ARID3B: variants seen among roughly 807,000 people sequenced by gnomAD.
ARID3B encodes AT-rich interactive domain-containing protein 3B.
A neutral mutation model predicts 51.9 loss-of-function variants in ARID3B; 10 were observed. The ratio of observed to expected loss-of-function variants is 0.19; its 90% confidence interval spans 0.12 to 0.33. ARID3B has a LOEUF of 0.33. Ranked by LOEUF, ARID3B falls within the 10% of genes least tolerant of loss-of-function variation. The pLI, the probability that ARID3B is intolerant of heterozygous loss-of-function variation, is 1.00. For synonymous variants in ARID3B, 205 were observed against 279.5 expected (o/e 0.73, Z 2.66); for missense variants, 483 against 716.3 (o/e 0.67, Z 3.72).
intron 2 of ARID3B, among the ~76,000 whole-genome samples, chr15:74,566,188 C>G (rs1232450170): frequency 6.6e-6 from 1 of 152,166 alleles, no homozygotes; most frequent in African/African-American, 2.4e-5. Flanking sequence ...TGCAGGCTTT[C>G]CCTCTCAGAT....
intron 8 of ARID3B, among the ~76,000 whole-genome samples, 168 bp downstream of exon 8, chr15:74,593,404 G>A (rs545736384): frequency 4.6e-5 from 7 of 152,342 alleles, no homozygotes; most frequent in Admixed American, 3.3e-4. Context: ...CTAGTAGACT[G>A]TGGATTGTTA....
intron 8 of ARID3B, among the ~76,000 whole-genome samples, chr15:74,594,475 G>T (rs1186047783): frequency 5.3e-5 from 8 of 152,190 alleles, no homozygotes; most frequent in Non-Finnish European, 2.9e-5. Context: ...TATTATGAGT[G>T]GGGGCCACCA....
At chr15:74,544,565 G>A (rs2061608554) in intron 2 of ARID3B, 77 bp downstream of exon 2, 2 of 1,484,558 alleles carry the variant, frequency 1.3e-6, no homozygotes, top group Admixed American at 2.0e-5. Context: ...AGGGTCAGGG[G>A]CTGTGCCAGT....
intron 4 of ARID3B, chr15:74,575,021 A>T (rs1399709335): frequency 4.6e-5 from 7 of 150,988 alleles, no homozygotes; most frequent in African/African-American, 1.5e-4. Flanking sequence ...AAAAAAAAAG[A>T]ATATAATCCT....
At chr15:74,579,070 A>G (rs1454074447) in intron 4 of ARID3B, among the ~76,000 whole-genome samples, 1 of 152,222 alleles carries the variant, frequency 6.6e-6, no homozygotes, top group Admixed American at 6.5e-5. Flanking sequence ...GCTCTGAGGG[A>G]TGCAGCACAC....
At chr15:74,593,378 C>G (rs1017226295) in intron 8 of ARID3B, 142 bp downstream of exon 8, 26 of 712,304 alleles carry the variant, frequency 3.7e-5, no homozygotes, top group Non-Finnish European at 5.8e-5. Flanking sequence ...TTGCAAAGGT[C>G]AAGTGGTCCT....
intron 2 of ARID3B, among the ~76,000 whole-genome samples, chr15:74,549,969 C>T (rs142631249): frequency 1.3e-5 from 2 of 152,190 alleles, no homozygotes; most frequent in South Asian, 2.1e-4. Context: ...GTTGAGAAAC[C>T]GTGCTCTAGA....
Position 74,591,001 on chromosome 15 carries a change from C to T in ARID3B, c.882-150C>T. ...GGCTGGGGCAGAGTGTCCGGCCATC[C>T]CAGACTTTTCTGCCAAGTATACCAA... On this transcript the variant is annotated intron_variant, in intron 5 of 8. Coordinates refer to ENST00000346246, the MANE Select transcript of ARID3B (RefSeq NM_006465.4). The surrounding 1 kb of genome is among the most constrained non-coding windows in gnomAD (Gnocchi z 5.8). 8.0e-7 allele frequency: 1 copy of T among 1,246,728 alleles called. No individual in the cohort carries two copies. Among genetic ancestry groups the T allele is most frequent in the Non-Finnish European group, 1.1e-6 (1 of 907,026 alleles). The allele number at this position is 1,246,728 out of a possible 1,614,324, so 77.2% of individuals were successfully genotyped here. A position where few individuals can be genotyped will look rare whatever the true frequency, so the allele number is the denominator to read the frequency against.
Position 74,591,852 on chromosome 15 carries a change from A to T in ARID3B, c.1420+38A>T, listed in dbSNP as rs761069489. ...CAGGGCCGGGCCTTCCCTTCCTGGA[A>T]ACCCCAAGCCCATTCACGCCTCCTG... On this transcript the variant is annotated intron_variant, in intron 7 of 8. Transcript: ENST00000346246. This position sits in a 1 kb window ranked among gnomAD's most constrained non-coding sequence, Gnocchi z 5.8. 8.1e-6 allele frequency: 13 copies of T among 1,598,588 alleles called. No homozygotes were observed. The highest frequency in any genetic ancestry group is 1.1e-5 in the Non-Finnish European group (13 of 1,170,224).
At chr15:74,575,504 T>C (rs1567122784) in intron 4 of ARID3B, among the ~76,000 whole-genome samples, 1 of 152,214 alleles carries the variant, frequency 6.6e-6, no homozygotes, top group Non-Finnish European at 1.5e-5. Context: ...TGCAGGGTAT[T>C]CAAGCTGCCT....
At chr15:74,573,363 G>C in intron 4 of ARID3B, 159 bp downstream of exon 4, 2 of 752,356 alleles carry the variant, frequency 2.7e-6, no homozygotes, top group Non-Finnish European at 4.6e-6. Context: ...TTAACCGATA[G>C]CCAGATTGAA....
intron 2 of ARID3B, among the ~76,000 whole-genome samples, chr15:74,566,017 A>G (rs905342477): frequency 3.3e-5 from 5 of 152,122 alleles, no homozygotes; most frequent in South Asian, 4.1e-4. Flanking sequence ...CTTTCTCACT[A>G]TAAGAATTCA....
chr15:74,583,199 A>T lies in ARID3B; in HGVS notation c.698-6621A>T, dbSNP rs539877861. Among the ~76,000 whole-genome samples the T allele has an allele frequency of 2.0e-5, 3 of 146,382 alleles. No homozygotes were observed. The East Asian group carries it at 5.9e-4, about 29-fold the overall frequency. ...TGGGCTACAGAGTGAGACTCCACCT[A>T]AAAAAAAAAAGTTGTGAACTACTGC... On this transcript the variant is annotated intron_variant, in intron 4 of 8. Coordinates refer to ENST00000346246, the MANE Select transcript of ARID3B (RefSeq NM_006465.4).
At position 74,591,640 on chromosome 15, in the gene ARID3B, A is replaced by G. The variant is rs2061803758; in HGVS notation, c.1246A>G (p.Thr416Ala). The change falls in exon 7 of 9, where the codon ACT (threonine) becomes GCT (alanine). Residue 416 changes from threonine to alanine, a missense_variant. Coordinates refer to ENST00000346246, the MANE Select transcript of ARID3B (RefSeq NM_006465.4). This position sits in a 1 kb window ranked among gnomAD's most constrained non-coding sequence, Gnocchi z 5.8. Reference protein sequence around the residue: ...PVTLASQQAGTRTAALEQLRE... With the variant: ...PVTLASQQAGARTAALEQLRE... ...GACCTTGGCAAGCCAGCAGGCTGGTACTCGGACCGCCGCACTGGAGCAGCT... is the reference window on the plus strand; with the variant it reads ...GACCTTGGCAAGCCAGCAGGCTGGTGCTCGGACCGCCGCACTGGAGCAGCT... 6.2e-7 allele frequency: 1 copy of G among 1,603,292 alleles called. No individual in the cohort carries two copies. Among genetic ancestry groups the G allele is most frequent in the Admixed American group, 1.7e-5 (1 of 58,010 alleles).
intron 8 of ARID3B, among the ~76,000 whole-genome samples, chr15:74,594,025 A>G (rs554631678): frequency 3.9e-4 from 60 of 152,038 alleles, no homozygotes; most frequent in Non-Finnish European, 4.0e-4. Context: ...CCTGAGTGAC[A>G]AAGCAAGACC....
At chr15:74,548,764 C>T (rs913198335) in intron 2 of ARID3B, among the ~76,000 whole-genome samples, 1 of 152,150 alleles carries the variant, frequency 6.6e-6, no homozygotes, top group African/African-American at 2.4e-5. Context: ...AGCACTTCTG[C>T]AGTACAGAAG....
At position 74,577,004 on chromosome 15, in the gene ARID3B, T is replaced by C. The variant is rs1012111877; in HGVS notation, c.697+3800T>C. On this transcript the variant is annotated intron_variant, in intron 4 of 8. Coordinates refer to ENST00000346246, the MANE Select transcript of ARID3B (RefSeq NM_006465.4). ...CAAAAAGCGCTTCAGTCTGTAGATA[T>C]AGCTGAGTTATTGAAGGCAAAATAT... is the stretch of plus-strand genomic sequence containing the variant. 8.5e-5 allele frequency among the ~76,000 whole-genome samples: 13 copies of C among 152,338 alleles called. No individual in the cohort carries two copies. The South Asian group carries it at 2.5e-3, about 29-fold the overall frequency.
Position 74,591,449 on chromosome 15 carries a change from TG to T in ARID3B, c.1165+20del. 2 of 1,598,476 alleles carry T rather than the reference TG, an allele frequency of 1.3e-6. No individual in the cohort carries two copies. The highest frequency in any genetic ancestry group is 2.2e-5 in the East Asian group (1 of 44,472). ...TCTCAGGAAAGGTCAGCAGGGCTCC[TG>T]GGGGAGAAGGAAGAAAGGGAGGAAG... On this transcript the variant is annotated intron_variant, in intron 6 of 8. Transcript: ENST00000346246. This position sits in a 1 kb window ranked among gnomAD's most constrained non-coding sequence, Gnocchi z 5.8.
chr15:74,550,001 AAGCTT>A (rs1237654508), intron 2 of ARID3B, among the ~76,000 whole-genome samples: 2 of 152,240 alleles, frequency 1.3e-5, no homozygotes, highest in Non-Finnish European at 2.9e-5. Flanking sequence ...GAAAGAACAT[AAGCTT>A]CGCTATCATC....
Sources: allele counts gnomAD v4.1 joint callset (sites outside exome capture counted in the v4.1 genomes callset), GRCh38; gene constraint gnomAD v4.1.1; non-coding constraint Gnocchi (gnomAD v3.1); transcripts MANE v1.5; gene names NCBI Gene and HGNC (gene_info 2026-07-23, HGNC 2026-07-21).